NADK: variants seen among roughly 807,000 people sequenced by gnomAD.
NADK encodes poly(P)/ATP NAD kinase.
NADK carries 22 observed loss-of-function variants against 49.8 expected under a neutral mutation model. The observed-to-expected ratio is 0.44, with a 90% confidence interval of 0.32 to 0.63. The LOEUF (loss-of-function observed/expected upper bound fraction) is 0.63. Among genes scored for constraint, NADK ranks in the 30% least tolerant of loss-of-function variants. NADK has a pLI of 0.06. For synonymous variants in NADK, 268 were observed against 253.7 expected (o/e 1.06, Z -0.54); for missense variants, 438 against 609.4 (o/e 0.72, Z 2.96).
rs762006506 is a variant in NADK at position 1,758,396 on chromosome 1, C to T, written c.264-1086G>A. 2.3e-4 allele frequency: 373 copies of T among 1,611,316 alleles called. 1 individual carries two copies. The highest frequency in any genetic ancestry group is 3.1e-4 in the Non-Finnish European group (362 of 1,179,736). ...CAGGCATTACTGGGAGGCGTGGGGT[C>T]ACTCATGCCATCCCCTATGAGCTCA... On this transcript the variant is annotated intron_variant, in intron 3 of 11. Coordinates refer to ENST00000341426, the MANE Select transcript of NADK (RefSeq NM_023018.5).
In NADK at chr1:1,752,833, C is replaced by T. The variant is rs979890122; in HGVS notation, c.*71G>A. 6.5e-6 allele frequency: 10 copies of T among 1,531,438 alleles called. No homozygotes were observed. Among genetic ancestry groups the T allele is most frequent in the Middle Eastern group, 3.5e-4 (2 of 5,748 alleles). 94.9% of individuals were successfully genotyped at this position (1,531,438 alleles called of 1,614,324 possible). On this transcript the variant is annotated 3_prime_UTR_variant, in exon 12 of 12. Coordinates refer to ENST00000341426, the MANE Select transcript of NADK (RefSeq NM_023018.5). ...ACTGAGACAGGCGGTCACAGACACA[C>T]GCAGATTGGTCTGTCCCCAGAGGGC... is the stretch of plus-strand genomic sequence containing the variant.
intron 1 of NADK, among the ~76,000 whole-genome samples, chr1:1,769,969 C>CAAAACA (rs143674742): frequency 0.013 from 1,910 of 147,424 alleles, 39 homozygotes; most frequent in South Asian, 0.056. Context: ...TCCCAGCACT[C>CAAAACA]AAAACAAAAA....
chr1:1,758,284 C>A (rs971659593), intron 3 of NADK: 1 of 1,501,626 alleles, frequency 6.7e-7, no homozygotes, highest in Non-Finnish European at 9.0e-7. Context: ...CCCAGAACCA[C>A]AACACAGACG....
chr1:1,774,151 ATGTGTGTG>A (rs747946101), intron 1 of NADK, among the ~76,000 whole-genome samples: 2 of 150,388 alleles, frequency 1.3e-5, no homozygotes, highest in African/African-American at 4.9e-5. Flanking sequence ...TCACCTATGT[ATGTGTGTG>A]TGTGTATATA....
chr1:1,773,405 T>C (rs1646109507), intron 1 of NADK, among the ~76,000 whole-genome samples: 1 of 150,706 alleles, frequency 6.6e-6, no homozygotes, highest in African/African-American at 2.4e-5. Context: ...CCTCCCAAAG[T>C]GCTGGGATTA....
rs751937113 is a variant in NADK at position 1,756,707 on chromosome 1, C to T, written c.394-99G>A. ...GGCGCTGTGGTCAGAGACCTGGCAT[C>T]GTGGCCTGCATGCCCGCCCCCCCAC... On this transcript the variant is annotated intron_variant, in intron 4 of 11. Transcript: ENST00000341426. The T allele has an allele frequency of 8.2e-6, 13 of 1,590,164 alleles. No homozygotes were observed. In the South Asian group the frequency reaches 8.9e-5, roughly 11 times the overall value.
At chr1:1,774,275 G>T (rs1360923993) in intron 1 of NADK, among the ~76,000 whole-genome samples, 1 of 151,714 alleles carries the variant, frequency 6.6e-6, no homozygotes, top group Non-Finnish European at 1.5e-5. Context: ...ATGTTGTCCA[G>T]GCTGGAGTGC....
At chr1:1,761,275 G>T (rs940288023) in intron 3 of NADK, among the ~76,000 whole-genome samples, 1 of 152,210 alleles carries the variant, frequency 6.6e-6, no homozygotes, top group Non-Finnish European at 1.5e-5. Flanking sequence ...ACAGGTGTGA[G>T]CCACCGCAGC....
At position 1,754,754 on chromosome 1, in the gene NADK, GC is replaced by G; in HGVS notation, c.689-57del. On this transcript the variant is annotated intron_variant, in intron 7 of 11. Coordinates refer to ENST00000341426, the MANE Select transcript of NADK (RefSeq NM_023018.5). This position sits in a 1 kb window ranked among gnomAD's most constrained non-coding sequence, Gnocchi z 4.3. Reference sequence around the variant, plus strand: ...ATCAGGGAAGTCAGTGGGGTCAGGGGCCCCACCCCAGGGAGGCCAGTGGGAG... The same window carrying G: ...ATCAGGGAAGTCAGTGGGGTCAGGGGCCCACCCCAGGGAGGCCAGTGGGAG... 6.6e-7 allele frequency: 1 copy of G among 1,512,878 alleles called. No individual in the cohort carries two copies. The allele number at this position is 1,512,878 out of a possible 1,614,324, so 93.7% of individuals were successfully genotyped here. A position where few individuals can be genotyped will look rare whatever the true frequency, so the allele number is the denominator to read the frequency against.
chr1:1,756,118 A>T, intron 6 of NADK, 140 bp downstream of exon 6: 2 of 790,990 alleles, frequency 2.5e-6, no homozygotes, highest in Non-Finnish European at 4.3e-6. Context: ...GGCTGCCACC[A>T]TGGGCCTCAG....
At chr1:1,774,458 T>C (rs1371097570) in intron 1 of NADK, among the ~76,000 whole-genome samples, 1 of 152,124 alleles carries the variant, frequency 6.6e-6, no homozygotes, top group Non-Finnish European at 1.5e-5. Flanking sequence ...TTTCTCCATG[T>C]TGGTCAGGCT....
chr1:1,756,971 C>T, intron 4 of NADK: 7 of 883,468 alleles, frequency 7.9e-6, no homozygotes, highest in Non-Finnish European at 1.3e-5. Context: ...AGCCCACCAG[C>T]TCATTGTTGG....
At chr1:1,768,189 A>G (rs1326877778) in intron 1 of NADK, among the ~76,000 whole-genome samples, 1 of 149,964 alleles carries the variant, frequency 6.7e-6, no homozygotes, top group Non-Finnish European at 1.5e-5. Flanking sequence ...AAAAAAAAAG[A>G]AAAAATGAGG....
In NADK at chr1:1,759,814, C is replaced by A; in HGVS notation, c.263+2138G>T. 3 of 1,553,658 alleles carry A rather than the reference C, an allele frequency of 1.9e-6. No homozygotes were observed. The South Asian group carries it at 3.6e-5, about 18-fold the overall frequency. On this transcript the variant is annotated intron_variant, in intron 3 of 11. Transcript: ENST00000341426. ...CCCTGGTCTGAGGGCTGAGGCAGAACATGCACCTGTCCGGTGACCCCGCCC... is the reference window on the plus strand; with the variant it reads ...CCCTGGTCTGAGGGCTGAGGCAGAAAATGCACCTGTCCGGTGACCCCGCCC...
rs1333030688 is a variant in NADK, at chr1:1,754,568, G to A, written c.819C>T (p.Val273=). The change falls in exon 8 of 12, where the codon GTC becomes GTT. Residue 273 remains valine, a synonymous_variant. Transcript: ENST00000341426. The surrounding 1 kb of genome is among the most constrained non-coding windows in gnomAD (Gnocchi z 4.3). The part of the protein sequence containing the change: ...GSQAAGLDMD[V]GKQAMQYQVL... The stretch of plus-strand genomic sequence containing the variant: ...CCTGGTACTGCATGGCCTGCTTCCC[G>A]ACATCCATGTCCAGGCCTGCAGCCT... The A allele has an allele frequency of 2.0e-5, 32 of 1,612,602 alleles. No individual in the cohort carries two copies. The highest frequency in any genetic ancestry group is 1.6e-4 in the Middle Eastern group (1 of 6,074).
At chr1:1,772,741 T>TA (rs1196727101) in intron 1 of NADK, among the ~76,000 whole-genome samples, 6 of 151,802 alleles carry the variant, frequency 4.0e-5, no homozygotes, top group Admixed American at 3.9e-4. Context: ...TATGGAGGTG[T>TA]AAGATGTTAA....
At chr1:1,755,115 G>A (rs534089269) in intron 7 of NADK, among the ~76,000 whole-genome samples, 19 of 152,126 alleles carry the variant, frequency 1.2e-4, no homozygotes, top group Non-Finnish European at 2.5e-4. Context: ...CACCGCGCCC[G>A]GCCGACACTT....
chr1:1,771,369 G>A (rs374645631), intron 1 of NADK, among the ~76,000 whole-genome samples: 1 of 152,172 alleles, frequency 6.6e-6, no homozygotes, highest in South Asian at 2.1e-4. Flanking sequence ...AGCCAAGCAG[G>A]CTTCTCTAAA....
At chr1:1,763,409 A>G (rs1224737690) in intron 2 of NADK, among the ~76,000 whole-genome samples, 4 of 152,122 alleles carry the variant, frequency 2.6e-5, no homozygotes, top group African/African-American at 4.8e-5. Context: ...ACCTCAAGTC[A>G]GGTGTTCGAG....
Sources: allele counts gnomAD v4.1 joint callset (sites outside exome capture counted in the v4.1 genomes callset), GRCh38; gene constraint gnomAD v4.1.1; non-coding constraint Gnocchi (gnomAD v3.1); transcripts MANE v1.5; gene names NCBI Gene and HGNC (gene_info 2026-07-23, HGNC 2026-07-21).